The following SHC3 variants were observed in gnomAD, a reference collection of about 807,000 sequenced individuals.
The protein encoded by SHC3 is SHC-transforming protein 3.
A neutral mutation model predicts 60.4 loss-of-function variants in SHC3; 15 were observed. That is an observed-to-expected ratio of 0.25 (90% CI 0.17 to 0.38). SHC3 has a LOEUF of 0.38. Ranked by LOEUF, SHC3 falls within the 10% of genes least tolerant of loss-of-function variation. The probability of loss-of-function intolerance (pLI) is 1.00; values close to 1 mark genes in which losing one functional copy is unlikely to be tolerated. For missense variants in SHC3, 677 were observed against 786.1 expected (o/e 0.86, Z 1.66); for synonymous variants, 294 against 325.9 (o/e 0.90, Z 1.05).
intron 1 of SHC3, among the ~76,000 whole-genome samples, chr9:89,166,803 G>C (rs904945567): frequency 2.6e-5 from 4 of 152,134 alleles, no homozygotes; most frequent in African/African-American, 9.7e-5. Context: ...GCGGGGAACA[G>C]ACCTCAGGAG....
intron 1 of SHC3, among the ~76,000 whole-genome samples, chr9:89,149,361 T>A (rs1225426381): frequency 1.3e-5 from 2 of 152,186 alleles, no homozygotes; most frequent in Admixed American, 1.3e-4. Flanking sequence ...CATTGTAAAA[T>A]AAAGCATTAT....
intron 1 of SHC3, among the ~76,000 whole-genome samples, chr9:89,138,371 GT>G (rs1826348515): frequency 6.7e-6 from 1 of 150,084 alleles, no homozygotes; most frequent in African/African-American, 2.4e-5. Flanking sequence ...TAAATAAGGG[GT>G]GGTTTATTCA....
At chr9:89,028,161 G>A (rs146781235) in intron 11 of SHC3, among the ~76,000 whole-genome samples, 22 of 152,138 alleles carry the variant, frequency 1.4e-4, no homozygotes, top group African/African-American at 3.1e-4. Flanking sequence ...ACAAAACCAC[G>A]CCCACACATG....
intron 6 of SHC3, among the ~76,000 whole-genome samples, chr9:89,062,286 C>G (rs1218911542): frequency 6.6e-6 from 1 of 152,182 alleles, no homozygotes; most frequent in Non-Finnish European, 1.5e-5. Context: ...CCTACAGGTG[C>G]CAGTAGTCAT....
chr9:89,129,425 C>T (rs1398470142), intron 1 of SHC3, among the ~76,000 whole-genome samples: 1 of 152,056 alleles, frequency 6.6e-6, no homozygotes, highest in South Asian at 2.1e-4. Flanking sequence ...AGATACTCCT[C>T]GAGAAGAGCA....
At chr9:89,058,823 T>C (rs1450292139) in intron 6 of SHC3, among the ~76,000 whole-genome samples, 3 of 85,400 alleles carry the variant, frequency 3.5e-5, no homozygotes, top group Non-Finnish European at 6.9e-5. Context: ...GAAGACATGG[T>C]GGAGGACAGT....
At position 89,144,423 on chromosome 9, in the gene SHC3, A is replaced by T. The variant is rs556235272; in HGVS notation, c.475-31797T>A. Among the ~76,000 whole-genome samples, 4 of 152,310 alleles carry T rather than the reference A, an allele frequency of 2.6e-5. No homozygotes were observed. In the South Asian group the frequency reaches 6.2e-4, roughly 24 times the overall value. On this transcript the variant is annotated intron_variant, in intron 1 of 11. Transcript: ENST00000375835. The stretch of plus-strand genomic sequence containing the variant: ...CGCAAGCTGCTAGGCCCCACCCCAG[A>T]ATTTCTAACTCAGTAGCTCTGGGTG...
intron 11 of SHC3, chr9:89,037,408 C>A: frequency 1.5e-6 from 1 of 659,578 alleles, no homozygotes; most frequent in South Asian, 1.8e-5. Context: ...TTGGACTATG[C>A]CCCAGGTAAA....
intron 10 of SHC3, among the ~76,000 whole-genome samples, chr9:89,040,222 C>CCATCATCACCAT (rs1824661810): frequency 6.9e-6 from 1 of 144,716 alleles, no homozygotes; most frequent in Non-Finnish European, 1.5e-5. Context: ...ATCATCATCA[C>CCATCATCACCAT]CACCACCATC....
intron 2 of SHC3, among the ~76,000 whole-genome samples, chr9:89,096,340 A>T (rs1825700791): frequency 1.3e-5 from 2 of 152,142 alleles, no homozygotes; most frequent in South Asian, 4.1e-4. Context: ...ACCAAGGGAG[A>T]TCTGTGCTTT....
intron 1 of SHC3, among the ~76,000 whole-genome samples, chr9:89,167,281 C>T (rs1011061858): frequency 5.3e-5 from 8 of 152,234 alleles, no homozygotes; most frequent in Non-Finnish European, 8.8e-5. Flanking sequence ...GGAGTTGCTA[C>T]TTCCAGTGAA....
At chr9:89,033,683 A>C (rs1264000256) in intron 11 of SHC3, among the ~76,000 whole-genome samples, 1 of 152,214 alleles carries the variant, frequency 6.6e-6, no homozygotes, top group East Asian at 1.9e-4. Flanking sequence ...TGCTACCCTC[A>C]TGGGGAATAC....
At chr9:89,110,277 A>G in intron 2 of SHC3, 1 of 984,696 alleles carries the variant, frequency 1.0e-6, no homozygotes, top group Non-Finnish European at 1.2e-6. Context: ...AATTAAACAG[A>G]TAATTAGGGA....
intron 2 of SHC3, chr9:89,110,090 T>C (rs967560266): frequency 9.1e-6 from 9 of 985,312 alleles, no homozygotes; most frequent in Non-Finnish European, 1.1e-5. Context: ...AGGAAACACC[T>C]TTCCAAAAGA....
intron 1 of SHC3, among the ~76,000 whole-genome samples, chr9:89,172,481 T>C (rs1482641153): frequency 6.6e-6 from 1 of 151,880 alleles, no homozygotes; most frequent in Non-Finnish European, 1.5e-5. Context: ...GTAAGGCATA[T>C]TGTGCAGCTG....
intron 2 of SHC3, among the ~76,000 whole-genome samples, chr9:89,105,484 C>A (rs1420572318): frequency 6.6e-6 from 1 of 152,190 alleles, no homozygotes; most frequent in Non-Finnish European, 1.5e-5. Flanking sequence ...GATACTGGAT[C>A]ATTTCATCTA....
At chr9:89,165,038 C>T (rs554098209) in intron 1 of SHC3, among the ~76,000 whole-genome samples, 1 of 152,296 alleles carries the variant, frequency 6.6e-6, no homozygotes, top group African/African-American at 2.4e-5. Flanking sequence ...AACTGTCTAC[C>T]TGTCTAACAA....
At chr9:89,032,542 T>C (rs1824507670) in intron 11 of SHC3, among the ~76,000 whole-genome samples, 1 of 152,158 alleles carries the variant, frequency 6.6e-6, no homozygotes, top group South Asian at 2.1e-4. Context: ...ATTCTGAAGA[T>C]GTTGAAAAGT....
At chr9:89,120,162 C>G (rs907559005) in intron 1 of SHC3, among the ~76,000 whole-genome samples, 1 of 152,010 alleles carries the variant, frequency 6.6e-6, no homozygotes, top group African/African-American at 2.4e-5. Flanking sequence ...GATATAAAAG[C>G]ATTATAAGAA....
Sources: allele counts gnomAD v4.1 joint callset (sites outside exome capture counted in the v4.1 genomes callset), GRCh38; gene constraint gnomAD v4.1.1; transcripts MANE v1.5; gene names NCBI Gene and HGNC (gene_info 2026-07-23, HGNC 2026-07-21).